Variants in SDK1 observed in about 807,000 individuals in gnomAD.
SDK1 encodes sidekick cell adhesion molecule 1.
A neutral mutation model predicts 245.5 loss-of-function variants in SDK1; 157 were observed. The ratio of observed to expected loss-of-function variants is 0.64; its 90% CI spans 0.56 to 0.73. SDK1 has a LOEUF of 0.73. SDK1 is among the 30% of genes least tolerant of loss of function. SDK1 has a pLI of 0.00. For missense variants in SDK1, 3,583 were observed against 3,002.3 expected, an observed-to-expected ratio of 1.19 and a Z score of -4.52; for synonymous variants, 1,647 against 1,278.5, an observed-to-expected ratio of 1.29 and a Z score of -6.15.
At chr7:3,654,253 C>T (rs1385442222) in intron 4 of SDK1, among the ~76,000 whole-genome samples, 2 of 152,168 alleles carry the variant, frequency 1.3e-5, no homozygotes, top group African/African-American at 2.4e-5. Context: ...GAAGATGGGG[C>T]ACAGCGGGAG....
At chr7:3,974,283 G>C in intron 12 of SDK1, 86 bp from the exon 13 acceptor site, 1 of 1,145,856 alleles carries the variant, frequency 8.7e-7, no homozygotes, top group East Asian at 2.4e-5. Context: ...AAGATTGTTA[G>C]TTGCTTGCTT....
chr7:3,500,117 G>T (rs537563260), intron 1 of SDK1, among the ~76,000 whole-genome samples: 1 of 152,202 alleles, frequency 6.6e-6, no homozygotes, highest in African/African-American at 2.4e-5. Flanking sequence ...GGGGGGTCTG[G>T]TGACAGCCCT....
In SDK1 at chr7:4,017,151, G is replaced by C. The variant is rs1479553636; in HGVS notation, c.2421-20G>C. On this transcript the variant is annotated intron_variant, in intron 16 of 44. Coordinates refer to ENST00000404826, the MANE Select transcript of SDK1 (RefSeq NM_152744.4). ...GGTCCAGTTATTTCCTTATCGTGAT[G>C]GGCTTCCTTCGTGGCGCAGGTACCG... is the stretch of plus-strand genomic sequence containing the variant. 1 of 1,589,620 alleles carries C rather than the reference G, an allele frequency of 6.3e-7. No homozygotes were observed. The highest frequency in any genetic ancestry group is 1.3e-5 in the African/African-American group (1 of 74,378).
chr7:3,442,356 A>G (rs892093959), intron 1 of SDK1, among the ~76,000 whole-genome samples: 2 of 152,218 alleles, frequency 1.3e-5, no homozygotes, highest in African/African-American at 4.8e-5. Context: ...CATTACCACC[A>G]TAGGTGACAC....
chr7:3,416,882 G>A (rs1779380155), intron 1 of SDK1, among the ~76,000 whole-genome samples: 1 of 152,094 alleles, frequency 6.6e-6, no homozygotes, highest in South Asian at 2.1e-4. Context: ...TGATAAAAGT[G>A]AGCCATGCAG....
At chr7:3,702,506 G>A (rs1784768379) in intron 4 of SDK1, among the ~76,000 whole-genome samples, 1 of 152,132 alleles carries the variant, frequency 6.6e-6, no homozygotes, top group Admixed American at 6.5e-5. Context: ...ATTAGGGCCG[G>A]ATAGCATTCA....
intron 1 of SDK1, among the ~76,000 whole-genome samples, chr7:3,436,506 G>C (rs905860971): frequency 2.6e-5 from 4 of 152,090 alleles, no homozygotes; most frequent in Admixed American, 6.5e-5. Flanking sequence ...AAATCTGTAT[G>C]CAAGGAGTTT....
At chr7:3,591,306 G>T (rs566214793) in intron 1 of SDK1, among the ~76,000 whole-genome samples, 42 of 152,256 alleles carry the variant, frequency 2.8e-4, no homozygotes, top group African/African-American at 9.4e-4. Flanking sequence ...CCTCCCAGTA[G>T]CCCCTTTTTA....
At chr7:3,558,704 T>C (rs1420724292) in intron 1 of SDK1, among the ~76,000 whole-genome samples, 2 of 152,238 alleles carry the variant, frequency 1.3e-5, no homozygotes, top group Non-Finnish European at 2.9e-5. Context: ...AGTCAAGATA[T>C]CTAAATGGCA....
chr7:4,195,385 G>A (rs1783517110), intron 35 of SDK1, among the ~76,000 whole-genome samples: 1 of 152,146 alleles, frequency 6.6e-6, no homozygotes, highest in Non-Finnish European at 1.5e-5. Flanking sequence ...TGCCCTGGCT[G>A]CTGCAGCTCC....
intron 44 of SDK1, among the ~76,000 whole-genome samples, chr7:4,247,940 T>A (rs1787002539): frequency 6.6e-6 from 1 of 152,114 alleles, no homozygotes; most frequent in Non-Finnish European, 1.5e-5. Flanking sequence ...CATCCAGGGA[T>A]GGTGTGTCCT....
At chr7:3,512,027 G>T (rs571438070) in intron 1 of SDK1, among the ~76,000 whole-genome samples, 1 of 150,460 alleles carries the variant, frequency 6.6e-6, no homozygotes, top group East Asian at 2.0e-4. Context: ...ACATTCTCTG[G>T]GTGTGGGTGA....
intron 40 of SDK1, among the ~76,000 whole-genome samples, chr7:4,232,411 C>CTTTTTTTT (rs71032930): frequency 2.4e-4 from 24 of 98,768 alleles, no homozygotes; most frequent in East Asian, 6.3e-4. Context: ...TCTTTTCTTT[C>CTTTTTTTT]TTTTTTTTTT....
chr7:3,302,187 T>G (rs78659903), intron 1 of SDK1: 6,550 of 155,230 alleles, frequency 0.042, 440 homozygotes, highest in African/African-American at 0.14. Context: ...GATGCCCGAG[T>G]CCCCTTCCCA....
At chr7:3,873,242 T>G (rs1781000137) in intron 5 of SDK1, among the ~76,000 whole-genome samples, 1 of 152,180 alleles carries the variant, frequency 6.6e-6, no homozygotes, top group Non-Finnish European at 1.5e-5. Flanking sequence ...ATGTTTTTCT[T>G]TAAACATTTG....
At chr7:3,374,795 T>C (rs1336804087) in intron 1 of SDK1, among the ~76,000 whole-genome samples, 2 of 152,192 alleles carry the variant, frequency 1.3e-5, no homozygotes, top group South Asian at 2.1e-4. Context: ...AAAGAGACTT[T>C]TTAAAATTTT....
At chr7:3,735,555 C>T (rs183157483) in intron 4 of SDK1, among the ~76,000 whole-genome samples, 1 of 152,176 alleles carries the variant, frequency 6.6e-6, no homozygotes, top group Non-Finnish European at 1.5e-5. Flanking sequence ...GTGTGTTTAC[C>T]TGTTTATCCC....
chr7:3,637,962 A>T (rs905788799), intron 2 of SDK1, among the ~76,000 whole-genome samples: 2 of 152,248 alleles, frequency 1.3e-5, no homozygotes, highest in Non-Finnish European at 2.9e-5. Context: ...GACACAAGAC[A>T]TCGTGTTAAG....
At chr7:3,516,345 G>T (rs187619561) in intron 1 of SDK1, among the ~76,000 whole-genome samples, 352 of 152,052 alleles carry the variant, frequency 2.3e-3, no homozygotes, top group Non-Finnish European at 3.5e-3. Flanking sequence ...AGGAATGGCA[G>T]CTACCTATGT....
Sources: gnomAD v4.1 joint callset for allele counts (sites outside exome capture counted in the v4.1 genomes callset) on GRCh38, gnomAD v4.1.1 for gene constraint, MANE v1.5 for transcripts, NCBI Gene and HGNC (gene_info 2026-07-23, HGNC 2026-07-21) for gene names.